Variants in TAFA2 observed in about 807,000 individuals in gnomAD.
TAFA2 encodes TAFA chemokine like family member 2.
A neutral mutation model predicts 18.8 loss-of-function variants in TAFA2; 7 were observed. The ratio of observed to expected loss-of-function variants is 0.37; its 90% CI spans 0.21 to 0.70. TAFA2 has a LOEUF of 0.70. Ranked by LOEUF, TAFA2 falls within the 30% of genes least tolerant of loss-of-function variation. TAFA2 has a pLI of 0.53. For synonymous variants in TAFA2, 60 were observed against 54.2 expected, an observed-to-expected ratio of 1.11 and a Z score of -0.47; for missense variants, 122 against 158.1, an observed-to-expected ratio of 0.77 and a Z score of 1.23.
chr12:61,711,684 G>T (rs567715032), intron 4 of TAFA2, among the ~76,000 whole-genome samples: 1 of 151,900 alleles, frequency 6.6e-6, no homozygotes, highest in Non-Finnish European at 1.5e-5. Context: ...AGGCAAAAAA[G>T]TGTTTTCATG....
chr12:61,992,223 T>C (rs1297983193), intron 1 of TAFA2, among the ~76,000 whole-genome samples: 1 of 152,134 alleles, frequency 6.6e-6, no homozygotes, highest in African/African-American at 2.4e-5. Context: ...CATAAAAACC[T>C]CAAAGCTAAT....
intron 1 of TAFA2, chr12:62,255,401 T>C (rs1164626578): frequency 5.9e-5 from 9 of 152,224 alleles, no homozygotes; most frequent in African/African-American, 1.4e-4. Flanking sequence ...TCACTCTTAG[T>C]TGAATGGGAT....
chr12:61,939,190 G>C (rs1192450723), intron 1 of TAFA2, among the ~76,000 whole-genome samples: 2 of 152,152 alleles, frequency 1.3e-5, no homozygotes, highest in Non-Finnish European at 2.9e-5. Flanking sequence ...AAAGTAATTT[G>C]AATTTACCAT....
intron 2 of TAFA2, among the ~76,000 whole-genome samples, chr12:61,804,007 TA>T (rs1424259770): frequency 6.6e-6 from 1 of 152,002 alleles, no homozygotes; most frequent in Non-Finnish European, 1.5e-5. Context: ...AAAGCATTAT[TA>T]ATCCCATTAT....
intron 1 of TAFA2, among the ~76,000 whole-genome samples, chr12:62,011,187 T>C (rs1225505788): frequency 6.6e-6 from 1 of 152,000 alleles, no homozygotes; most frequent in African/African-American, 2.4e-5. Context: ...CTGCCCCGTC[T>C]GGGAAGTGAG....
intron 1 of TAFA2, among the ~76,000 whole-genome samples, chr12:62,002,299 T>TA (rs1261837511): frequency 6.6e-6 from 1 of 152,222 alleles, no homozygotes; most frequent in African/African-American, 2.4e-5. Context: ...AGACCTTTTT[T>TA]AGTTTCTCCT....
At chr12:62,146,631 C>A (rs1411842373) in intron 1 of TAFA2, among the ~76,000 whole-genome samples, 1 of 152,080 alleles carries the variant, frequency 6.6e-6, no homozygotes, top group African/African-American at 2.4e-5. Flanking sequence ...ATGGGAGGTA[C>A]TTAACCTCTC....
At chr12:61,978,163 T>C (rs916829644) in intron 1 of TAFA2, among the ~76,000 whole-genome samples, 1 of 152,054 alleles carries the variant, frequency 6.6e-6, no homozygotes, top group Admixed American at 6.6e-5. Flanking sequence ...CCCCTCTCAG[T>C]AGGAGACTAT....
chr12:62,202,161 T>C (rs1352555120), intron 1 of TAFA2, among the ~76,000 whole-genome samples: 3 of 152,086 alleles, frequency 2.0e-5, no homozygotes, highest in African/African-American at 4.8e-5. Context: ...TAACAGTCTA[T>C]TTTATTAATT....
chr12:61,920,940 C>T (rs1351310693), intron 1 of TAFA2, among the ~76,000 whole-genome samples: 5 of 151,814 alleles, frequency 3.3e-5, no homozygotes, highest in Admixed American at 6.6e-5. Flanking sequence ...AGTACCCAAG[C>T]GAATATTTGG....
intron 1 of TAFA2, among the ~76,000 whole-genome samples, chr12:62,047,395 A>G (rs1242865983): frequency 1.3e-5 from 2 of 152,284 alleles, no homozygotes; most frequent in East Asian, 1.9e-4. Flanking sequence ...TAATGATTCA[A>G]TTAGATGGTG....
intron 1 of TAFA2, among the ~76,000 whole-genome samples, chr12:62,222,032 T>C (rs1006490125): frequency 2.6e-5 from 4 of 152,120 alleles, no homozygotes; most frequent in Non-Finnish European, 5.9e-5. Context: ...TCTAAGAAGA[T>C]GGGAGTGGAC....
At chr12:62,036,880 A>G (rs992489700) in intron 1 of TAFA2, among the ~76,000 whole-genome samples, 7 of 152,158 alleles carry the variant, frequency 4.6e-5, no homozygotes, top group African/African-American at 1.7e-4. Context: ...TAAAACAAAA[A>G]ATCAGTCAAC....
chr12:62,092,174 T>C (rs1354010997), intron 1 of TAFA2, among the ~76,000 whole-genome samples: 2 of 151,930 alleles, frequency 1.3e-5, no homozygotes, highest in African/African-American at 4.8e-5. Context: ...CTCAAGAGCA[T>C]GGGAACCAGC....
intron 1 of TAFA2, among the ~76,000 whole-genome samples, chr12:61,892,512 T>C (rs1219275654): frequency 6.6e-6 from 1 of 152,166 alleles, no homozygotes; most frequent in African/African-American, 2.4e-5. Flanking sequence ...TATAAGTATG[T>C]CCAAAACATT....
chr12:61,975,775 G>C (rs915578124), intron 1 of TAFA2, among the ~76,000 whole-genome samples: 5 of 151,700 alleles, frequency 3.3e-5, no homozygotes, highest in African/African-American at 1.2e-4. Context: ...GTAGTTAAAA[G>C]ACTAATAAGT....
rs186413922 is a variant in TAFA2, at chr12:61,817,459, A to G, written c.106+49861T>C. ...AAAATATGCCATAGAGATATAGACTATATGATAAGGAACTTATATGGCTTT... is the reference window on the plus strand; with the variant it reads ...AAAATATGCCATAGAGATATAGACTGTATGATAAGGAACTTATATGGCTTT... On this transcript the variant is annotated intron_variant, in intron 2 of 4. Transcript: ENST00000416284. 1.7e-4 allele frequency among the ~76,000 whole-genome samples: 26 copies of G among 152,308 alleles called. No individual in the cohort carries two copies. The East Asian group carries it at 4.6e-3, about 27-fold the overall frequency.
At chr12:61,749,387 T>C (rs754029794) in intron 4 of TAFA2, among the ~76,000 whole-genome samples, 2 of 152,142 alleles carry the variant, frequency 1.3e-5, no homozygotes, top group African/African-American at 2.4e-5. Context: ...TAGTATCTAC[T>C]ATGGTTGGGT....
intron 1 of TAFA2, among the ~76,000 whole-genome samples, chr12:62,128,003 T>G (rs893627199): frequency 3.3e-5 from 5 of 151,800 alleles, no homozygotes; most frequent in Non-Finnish European, 7.4e-5. Flanking sequence ...AAGAAATCCA[T>G]GGGAGGCACA....
Sources: allele counts gnomAD v4.1 joint callset (sites outside exome capture counted in the v4.1 genomes callset), GRCh38; gene constraint gnomAD v4.1.1; transcripts MANE v1.5; gene names NCBI Gene and HGNC (gene_info 2026-07-23, HGNC 2026-07-21).